The following PDE4D variants were observed in gnomAD, a reference collection of about 807,000 sequenced individuals.
The protein encoded by PDE4D is phosphodiesterase 4D.
A neutral mutation model predicts 87.4 loss-of-function variants in PDE4D; 24 were observed. The ratio of observed to expected loss-of-function variants is 0.27; its 90% CI spans 0.20 to 0.39. The LOEUF is 0.39. PDE4D is among the 10% of genes least tolerant of loss of function. PDE4D has a pLI of 1.00. For synonymous variants in PDE4D, 384 were observed against 383.2 expected, an observed-to-expected ratio of 1.00 and a Z score of -0.02; for missense variants, 714 against 1,041.0, an observed-to-expected ratio of 0.69 and a Z score of 4.32.
At chr5:59,548,775 A>T (rs1468523288) in intron 1 of PDE4D, among the ~76,000 whole-genome samples, 1 of 152,180 alleles carries the variant, frequency 6.6e-6, no homozygotes, top group Non-Finnish European at 1.5e-5. Flanking sequence ...GTCCTACAAC[A>T]GAGAATAGTA....
chr5:59,022,885 AC>A (rs1377910409), intron 6 of PDE4D, among the ~76,000 whole-genome samples: 7 of 152,236 alleles, frequency 4.6e-5, no homozygotes, highest in Non-Finnish European at 7.3e-5. Context: ...TTTTGAAAAT[AC>A]AACCAGAGGT....
At chr5:59,363,243 T>C (rs1782511144) in intron 1 of PDE4D, among the ~76,000 whole-genome samples, 2 of 152,166 alleles carry the variant, frequency 1.3e-5, no homozygotes, top group East Asian at 3.8e-4. Flanking sequence ...CATGAAAGTG[T>C]TCTGAAGACT....
intron 2 of PDE4D, among the ~76,000 whole-genome samples, chr5:59,200,114 CAT>C (rs1341307014): frequency 7.0e-6 from 1 of 143,656 alleles, no homozygotes; most frequent in African/African-American, 2.8e-5. Context: ...TATGCACACA[CAT>C]ACATGCATGT....
chr5:60,106,946 G>A (rs1192640541), intron 2 of PDE4D, among the ~76,000 whole-genome samples: 1 of 151,648 alleles, frequency 6.6e-6, no homozygotes, highest in Admixed American at 6.6e-5. Flanking sequence ...ACAATTAAAA[G>A]AACTAGAAAA....
intron 1 of PDE4D, among the ~76,000 whole-genome samples, chr5:59,563,439 CA>C (rs1476409100): frequency 6.6e-6 from 1 of 152,196 alleles, no homozygotes; most frequent in Admixed American, 6.5e-5. Context: ...TATCCCTAAC[CA>C]GTCATTCAGT....
intron 1 of PDE4D, among the ~76,000 whole-genome samples, chr5:60,205,565 C>T (rs571454930): frequency 6.6e-6 from 1 of 152,184 alleles, no homozygotes; most frequent in African/African-American, 2.4e-5. Flanking sequence ...CCTCCCCAAC[C>T]TTCAGAACAC....
chr5:59,704,735 AT>A (rs1391810382), intron 1 of PDE4D, among the ~76,000 whole-genome samples: 1 of 152,220 alleles, frequency 6.6e-6, no homozygotes, highest in Non-Finnish European at 1.5e-5. Context: ...TGTGGTGTCC[AT>A]GAACAAGGCA....
chr5:60,244,038 C>A (rs1238851657), intron 1 of PDE4D, among the ~76,000 whole-genome samples: 1 of 151,806 alleles, frequency 6.6e-6, no homozygotes, highest in Non-Finnish European at 1.5e-5. Context: ...ATGATATGAT[C>A]TCATATTTGG....
intron 2 of PDE4D, among the ~76,000 whole-genome samples, chr5:60,029,579 G>A (rs181376303): frequency 1.3e-5 from 2 of 152,264 alleles, no homozygotes; most frequent in Non-Finnish European, 2.9e-5. Flanking sequence ...ATATTGTCAG[G>A]ACTTCCTGAG....
At chr5:59,530,405 C>T (rs1217654460) in intron 1 of PDE4D, among the ~76,000 whole-genome samples, 1 of 152,072 alleles carries the variant, frequency 6.6e-6, no homozygotes, top group Non-Finnish European at 1.5e-5. Flanking sequence ...CAGGCAGATA[C>T]CAAAATCCAT....
At chr5:60,473,364 G>A (rs559228250) in intron 1 of PDE4D, among the ~76,000 whole-genome samples, 2 of 151,856 alleles carry the variant, frequency 1.3e-5, no homozygotes, top group East Asian at 1.9e-4. Flanking sequence ...AAAGTTTGGA[G>A]ATCAGACTTC....
chr5:59,147,915 A>G (rs891238294), intron 5 of PDE4D, among the ~76,000 whole-genome samples: 4 of 152,160 alleles, frequency 2.6e-5, no homozygotes, highest in Admixed American at 6.5e-5. Flanking sequence ...ATAATCTTTC[A>G]ATGAAGATAA....
chr5:59,182,258 T>A (rs1370950369), intron 4 of PDE4D, among the ~76,000 whole-genome samples: 1 of 151,934 alleles, frequency 6.6e-6, no homozygotes, highest in East Asian at 1.9e-4. Flanking sequence ...TCTTAAATTT[T>A]TTTTTTTTTA....
intron 1 of PDE4D, among the ~76,000 whole-genome samples, chr5:60,467,791 A>G (rs1434544253): frequency 1.3e-5 from 2 of 152,156 alleles, no homozygotes; most frequent in Non-Finnish European, 2.9e-5. Context: ...GGAAGCAAGC[A>G]CGTCTTGGCA....
chr5:60,014,090 T>TCAAAAAA (rs1561980234), intron 2 of PDE4D, among the ~76,000 whole-genome samples: 1 of 120,788 alleles, frequency 8.3e-6, no homozygotes, highest in African/African-American at 3.5e-5. Context: ...AGACTCCACC[T>TCAAAAAA]TAAAAAAAAA....
intron 1 of PDE4D, among the ~76,000 whole-genome samples, chr5:59,455,777 C>G (rs1799827484): frequency 6.6e-6 from 1 of 152,198 alleles, no homozygotes; most frequent in South Asian, 2.1e-4. Context: ...TGGAGCCGCC[C>G]AAGACCATGG....
rs140475777 is a variant in PDE4D at position 59,954,752 on chromosome 5, C to A, written c.272+33736G>T. Among the ~76,000 whole-genome samples, 618 of 152,238 alleles carry A rather than the reference C, an allele frequency of 4.1e-3. 6 individuals are homozygous for A. Among genetic ancestry groups the A allele is most frequent in the African/African-American group, 0.014 (579 of 41,548 alleles). On this transcript the variant is annotated intron_variant, in intron 3 of 16. Transcript: ENST00000502484. ...AAGAATGCCATGTATGTGCCCCAGA[C>A]CTTTTTCTCCTTGGTTTCTACAGTG...
At chr5:60,449,556 G>A (rs1745928662) in intron 1 of PDE4D, among the ~76,000 whole-genome samples, 1 of 150,864 alleles carries the variant, frequency 6.6e-6, no homozygotes, top group Non-Finnish European at 1.5e-5. Flanking sequence ...TGACGAGTTA[G>A]TGGGTGCAGC....
chr5:60,340,606 TTA>T (rs1491311058), intron 1 of PDE4D, among the ~76,000 whole-genome samples: 1 of 37,168 alleles, frequency 2.7e-5, no homozygotes, highest in African/African-American at 8.7e-5. Flanking sequence ...GTCACATCAT[TTA>T]AAAAAAAAAA....
Sources: gnomAD v4.1 joint callset for allele counts (sites outside exome capture counted in the v4.1 genomes callset) on GRCh38, gnomAD v4.1.1 for gene constraint, MANE v1.5 for transcripts, NCBI Gene and HGNC (gene_info 2026-07-23, HGNC 2026-07-21) for gene names.